The following GPC5 variants were observed in gnomAD, a reference collection of about 807,000 sequenced individuals.
GPC5 encodes the protein glypican-5.
A neutral mutation model predicts 53.9 loss-of-function variants in GPC5; 47 were observed. The ratio of observed to expected loss-of-function variants is 0.87; its 90% CI spans 0.69 to 1.11. The LOEUF (loss-of-function observed/expected upper bound fraction) is 1.11. Ranked by LOEUF, GPC5 falls within the 50% of genes most tolerant of loss-of-function variation. The pLI is 0.00. For missense variants in GPC5, 748 were observed against 713.1 expected (o/e 1.05, Z -0.56); for synonymous variants, 286 against 263.3 (o/e 1.09, Z -0.84).
chr13:92,496,968 T>C (rs1170761723), intron 7 of GPC5, among the ~76,000 whole-genome samples: 1 of 151,992 alleles, frequency 6.6e-6, no homozygotes, highest in Non-Finnish European at 1.5e-5. Flanking sequence ...GAAAGAGCAT[T>C]AAAAAGTTTA....
intron 7 of GPC5, among the ~76,000 whole-genome samples, chr13:92,744,441 T>C (rs1317555035): frequency 6.6e-6 from 1 of 151,294 alleles, no homozygotes; most frequent in Non-Finnish European, 1.5e-5. Context: ...GGAATTGATA[T>C]AATTTAAATA....
chr13:91,743,129 T>C (rs2036972320), intron 4 of GPC5, among the ~76,000 whole-genome samples: 1 of 152,050 alleles, frequency 6.6e-6, no homozygotes, highest in African/African-American at 2.4e-5. Context: ...TCTAAGAGTA[T>C]GTTTTCTTTT....
intron 6 of GPC5, among the ~76,000 whole-genome samples, chr13:91,967,068 C>CA (rs1014687497): frequency 2.8e-4 from 43 of 152,132 alleles, no homozygotes; most frequent in African/African-American, 9.7e-4. Context: ...TTAATGGACT[C>CA]ACAGTTCTAC....
At chr13:91,838,699 T>C (rs2038750588) in intron 5 of GPC5, among the ~76,000 whole-genome samples, 1 of 152,066 alleles carries the variant, frequency 6.6e-6, no homozygotes, top group Non-Finnish European at 1.5e-5. Context: ...CTGGGGCTTT[T>C]ATATTTTCCC....
chr13:91,667,359 A>C (rs1292442129), intron 2 of GPC5, among the ~76,000 whole-genome samples: 4 of 152,028 alleles, frequency 2.6e-5, no homozygotes, highest in Non-Finnish European at 5.9e-5. Context: ...TCTTTTATTT[A>C]ATTACATATT....
chr13:92,702,422 T>A (rs982463165), intron 7 of GPC5, among the ~76,000 whole-genome samples: 1 of 152,118 alleles, frequency 6.6e-6, no homozygotes. Flanking sequence ...TCCCCAAAGC[T>A]CTGCTTTATT....
At chr13:91,887,670 CA>C (rs2039340098) in intron 5 of GPC5, among the ~76,000 whole-genome samples, 1 of 152,150 alleles carries the variant, frequency 6.6e-6, no homozygotes, top group African/African-American at 2.4e-5. Flanking sequence ...ATCTCTGGGG[CA>C]AGAGCAAAAT....
intron 6 of GPC5, among the ~76,000 whole-genome samples, chr13:91,936,917 A>C (rs2039876469): frequency 6.6e-6 from 1 of 151,950 alleles, no homozygotes; most frequent in South Asian, 2.1e-4. Context: ...GGCTCTCAAA[A>C]TTATGCATAT....
chr13:92,813,159 T>C (rs1395840693), intron 7 of GPC5, among the ~76,000 whole-genome samples: 1 of 151,916 alleles, frequency 6.6e-6, no homozygotes, highest in East Asian at 1.9e-4. Flanking sequence ...TGGAGTTCTG[T>C]AATTCTGGCT....
intron 7 of GPC5, among the ~76,000 whole-genome samples, chr13:92,501,033 T>C (rs71427578): frequency 0.14 from 21,055 of 152,006 alleles, 1,946 homozygotes; most frequent in Non-Finnish European, 0.21. Flanking sequence ...AAGACCCAGA[T>C]TTTCAAAACA....
intron 5 of GPC5, among the ~76,000 whole-genome samples, chr13:91,770,526 G>A (rs1482625886): frequency 6.6e-6 from 1 of 152,086 alleles, no homozygotes; most frequent in Non-Finnish European, 1.5e-5. Context: ...TATCACCCAG[G>A]AAACTCCAGA....
chr13:91,476,422 C>T (rs776930465), intron 2 of GPC5, among the ~76,000 whole-genome samples: 7 of 152,126 alleles, frequency 4.6e-5, no homozygotes, highest in Non-Finnish European at 2.9e-5. Context: ...GATTGAAACC[C>T]AAATATCCTT....
intron 7 of GPC5, among the ~76,000 whole-genome samples, chr13:92,710,029 T>C (rs930860741): frequency 6.6e-6 from 1 of 152,194 alleles, no homozygotes; most frequent in East Asian, 1.9e-4. Flanking sequence ...ATTCTACTCA[T>C]AGCCACTGGC....
chr13:91,564,993 T>TGGGGGGG (rs66999708), intron 2 of GPC5, among the ~76,000 whole-genome samples: 2 of 117,934 alleles, frequency 1.7e-5, no homozygotes, highest in African/African-American at 9.3e-5. Context: ...GGCTTTTTTT[T>TGGGGGGG]GGGGGGGGGT....
At chr13:91,497,407 A>G (rs977801349) in intron 2 of GPC5, among the ~76,000 whole-genome samples, 2 of 152,032 alleles carry the variant, frequency 1.3e-5, no homozygotes, top group Non-Finnish European at 2.9e-5. Flanking sequence ...TGTTCTCTAA[A>G]TAATGGCTCA....
chr13:92,468,693 A>T (rs1383325534), intron 7 of GPC5, among the ~76,000 whole-genome samples: 1 of 152,154 alleles, frequency 6.6e-6, no homozygotes, highest in Non-Finnish European at 1.5e-5. Context: ...ACACACACAT[A>T]CAGGCCATGT....
intron 2 of GPC5, among the ~76,000 whole-genome samples, chr13:91,661,590 A>G (rs891319465): frequency 2.0e-5 from 3 of 152,372 alleles, no homozygotes; most frequent in Middle Eastern, 3.4e-3. Context: ...AACCTTCTAC[A>G]TAGGGCTTGA....
chr13:91,462,331 G>A (rs754994880), intron 2 of GPC5, among the ~76,000 whole-genome samples: 2 of 152,062 alleles, frequency 1.3e-5, no homozygotes, highest in Non-Finnish European at 2.9e-5. Context: ...ATTATGCTTT[G>A]TGAGTTATTA....
intron 7 of GPC5, among the ~76,000 whole-genome samples, chr13:92,440,504 A>G (rs531908694): frequency 2.0e-5 from 3 of 152,192 alleles, no homozygotes; most frequent in African/African-American, 7.2e-5. Context: ...GTCACCATCA[A>G]TGGGCATCTA....
Sources: allele counts gnomAD v4.1 joint callset (sites outside exome capture counted in the v4.1 genomes callset), GRCh38; gene constraint gnomAD v4.1.1; transcripts MANE v1.5; gene names NCBI Gene and HGNC (gene_info 2026-07-23, HGNC 2026-07-21).